Variants in EXT1 observed in about 807,000 individuals in gnomAD.
The protein encoded by EXT1 is exostosin-1.
A neutral mutation model predicts 82.5 loss-of-function variants in EXT1; 20 were observed. That is an observed-to-expected ratio of 0.24 (90% confidence interval 0.17 to 0.35). EXT1 has a LOEUF of 0.35. Ranked by LOEUF, EXT1 falls within the 10% of genes least tolerant of loss-of-function variation. EXT1 has a pLI of 1.00. For synonymous variants in EXT1, 348 were observed against 350.8 expected, an observed-to-expected ratio of 0.99 and a Z score of 0.09; for missense variants, 757 against 936.5, an observed-to-expected ratio of 0.81 and a Z score of 2.50.
chr8:117,819,840 A>G (rs1355796972), intron 5 of EXT1, 46 bp from the exon 6 acceptor site: 1 of 1,566,218 alleles, frequency 6.4e-7, no homozygotes, highest in East Asian at 2.2e-5. Context: ...CTGGAAAGCA[A>G]GACTTAGAAA....
At chr8:118,006,671 T>TA (rs1422914111) in intron 1 of EXT1, among the ~76,000 whole-genome samples, 3 of 152,346 alleles carry the variant, frequency 2.0e-5, no homozygotes, top group Admixed American at 2.0e-4. Context: ...TGATTCCATC[T>TA]AAACTGTCTG....
chr8:118,105,559 A>T (rs2130031719), intron 1 of EXT1, among the ~76,000 whole-genome samples: 1 of 152,318 alleles, frequency 6.6e-6, no homozygotes, highest in South Asian at 2.1e-4. Flanking sequence ...GCAGGTTTAG[A>T]AAGAGGCGAG....
intron 1 of EXT1, among the ~76,000 whole-genome samples, chr8:118,079,734 C>T (rs1352313941): frequency 1.3e-5 from 2 of 150,470 alleles, no homozygotes; most frequent in East Asian, 2.0e-4. Context: ...TGAATAGCCC[C>T]GGATTTAGCC....
intron 4 of EXT1, among the ~76,000 whole-genome samples, chr8:117,829,295 G>A (rs180944881): frequency 1.2e-4 from 18 of 150,150 alleles, no homozygotes; most frequent in African/African-American, 2.7e-4. Flanking sequence ...TTCTTTTTCC[G>A]TCCTGCCTTA....
chr8:118,083,893 G>C (rs1817374952), intron 1 of EXT1, among the ~76,000 whole-genome samples: 2 of 152,094 alleles, frequency 1.3e-5, no homozygotes, highest in Non-Finnish European at 2.9e-5. Flanking sequence ...GCCAGGTGTG[G>C]TGGTGGACAC....
chr8:117,897,591 C>CTCTTTT (rs775608794), intron 1 of EXT1, among the ~76,000 whole-genome samples: 20 of 90,690 alleles, frequency 2.2e-4, no homozygotes, highest in African/African-American at 7.9e-4. Context: ...CTTCTTTTCT[C>CTCTTTT]TTTTTTTTTT....
intron 1 of EXT1, among the ~76,000 whole-genome samples, chr8:117,980,191 C>G (rs541367028): frequency 1.8e-4 from 28 of 152,252 alleles, no homozygotes; most frequent in Admixed American, 8.5e-4. Context: ...CATGCCCATT[C>G]CCATTTTGCC....
intron 1 of EXT1, among the ~76,000 whole-genome samples, chr8:117,913,318 A>G (rs557998414): frequency 6.6e-6 from 1 of 152,130 alleles, no homozygotes; most frequent in Non-Finnish European, 1.5e-5. Context: ...TTAACATCAA[A>G]CCACAGAAAA....
chr8:117,983,033 A>T (rs557309829), intron 1 of EXT1, among the ~76,000 whole-genome samples: 88 of 152,332 alleles, frequency 5.8e-4, no homozygotes, highest in African/African-American at 2.1e-3. Flanking sequence ...CTTCAAGGCC[A>T]ATAAATTAGT....
chr8:117,894,996 A>G (rs928724819), intron 1 of EXT1, among the ~76,000 whole-genome samples: 17 of 152,214 alleles, frequency 1.1e-4, no homozygotes, highest in Non-Finnish European at 1.9e-4. Flanking sequence ...TTAAGCATCA[A>G]CTGGCAAATA....
rs1014181748 is a variant in EXT1, at chr8:117,872,312, A to G, written c.963-35111T>C. Among the ~76,000 whole-genome samples the G allele has an allele frequency of 4.6e-5, 7 of 152,326 alleles. No homozygotes were observed. In the East Asian group the frequency reaches 9.6e-4, roughly 21 times the overall value. Reference sequence around the variant, plus strand: ...TACTAACTGCTATTAATTTGCATGCAGAACTCTGTTCTTCAAGAAAGCAGC... The same window carrying G: ...TACTAACTGCTATTAATTTGCATGCGGAACTCTGTTCTTCAAGAAAGCAGC... On this transcript the variant is annotated intron_variant, in intron 1 of 10. Transcript: ENST00000378204.
chr8:117,889,436 T>A (rs962264640), intron 1 of EXT1, among the ~76,000 whole-genome samples: 2 of 152,156 alleles, frequency 1.3e-5, no homozygotes, highest in Non-Finnish European at 2.9e-5. Context: ...GGTGTTAGCA[T>A]TTTTTTAATC....
In EXT1 at chr8:118,097,103, C is replaced by T. The variant is rs148490497; in HGVS notation, c.962+12982G>A. ...TAAAGCTGCAAAATTCTTCCTCATC[C>T]CCACTCCTACTTTGCATCCAAACGA... On this transcript the variant is annotated intron_variant, in intron 1 of 10. Coordinates refer to ENST00000378204, the MANE Select transcript of EXT1 (RefSeq NM_000127.3). Among the ~76,000 whole-genome samples the T allele has an allele frequency of 2.9e-3, 447 of 152,182 alleles. 3 individuals are homozygous for T. The highest frequency in any genetic ancestry group is 0.01 in the African/African-American group (430 of 41,516).
chr8:118,046,922 AAAT>A (rs1312059860), intron 1 of EXT1, among the ~76,000 whole-genome samples: 4 of 152,322 alleles, frequency 2.6e-5, no homozygotes, highest in African/African-American at 9.6e-5. Flanking sequence ...GACTTCCTGA[AAAT>A]AATTTTGAAG....
intron 1 of EXT1, among the ~76,000 whole-genome samples, chr8:117,899,147 C>A (rs1448294430): frequency 2.6e-5 from 4 of 152,198 alleles, no homozygotes; most frequent in Non-Finnish European, 5.9e-5. Context: ...AGATGGTCTT[C>A]AGAATAAGCA....
At chr8:117,815,934 C>A (rs866121990) in intron 7 of EXT1, among the ~76,000 whole-genome samples, 398 of 116,024 alleles carry the variant, frequency 3.4e-3, no homozygotes, top group African/African-American at 3.4e-3. Context: ...AACTCTGCCT[C>A]AAAAAAAAAA....
intron 7 of EXT1, among the ~76,000 whole-genome samples, chr8:117,816,557 G>A (rs17439652): frequency 4.0e-3 from 603 of 152,266 alleles, no homozygotes; most frequent in Non-Finnish European, 6.6e-3. Flanking sequence ...CAAGGTGGAG[G>A]CAAGGACTGA....
Position 118,056,330 on chromosome 8 carries a change from G to A in EXT1, c.962+53755C>T, listed in dbSNP as rs17505737. On this transcript the variant is annotated intron_variant, in intron 1 of 10. Coordinates refer to ENST00000378204, the MANE Select transcript of EXT1 (RefSeq NM_000127.3). ...TATAACCTTTCCCCTGGGTCTAACA[G>A]GACAGCACTAGTGAGAACATGCTGC... Among the ~76,000 whole-genome samples, 1,450 of 152,274 alleles carry A rather than the reference G, an allele frequency of 9.5e-3. 20 individuals are homozygous for A. The highest frequency in any genetic ancestry group is 0.032 in the African/African-American group (1,343 of 41,544).
At chr8:117,967,458 A>G (rs752415328) in intron 1 of EXT1, among the ~76,000 whole-genome samples, 45 of 152,228 alleles carry the variant, frequency 3.0e-4, no homozygotes, top group Non-Finnish European at 5.7e-4. Flanking sequence ...TCCCTTCACA[A>G]GAGGAGGTAT....
Sources: allele counts gnomAD v4.1 joint callset (sites outside exome capture counted in the v4.1 genomes callset), GRCh38; gene constraint gnomAD v4.1.1; transcripts MANE v1.5; gene names NCBI Gene and HGNC (gene_info 2026-07-23, HGNC 2026-07-21).